YEATS2: variants seen among roughly 807,000 people sequenced by gnomAD.
YEATS2 encodes YEATS domain containing 2.
A neutral mutation model predicts 163.2 loss-of-function variants in YEATS2; 77 were observed. The observed-to-expected ratio is 0.47, with a 90% CI of 0.39 to 0.57. The LOEUF (loss-of-function observed/expected upper bound fraction) is 0.57, where lower values mean the gene tolerates loss of function less well. Ranked by LOEUF, YEATS2 falls within the 20% of genes least tolerant of loss-of-function variation. The pLI, the probability that YEATS2 is intolerant of heterozygous loss-of-function variation, is 0.00. For synonymous variants in YEATS2, 631 were observed against 645.1 expected (o/e 0.98, Z 0.33); for missense variants, 1,549 against 1,729.8 (o/e 0.90, Z 1.85).
intron 19 of YEATS2, among the ~76,000 whole-genome samples, chr3:183,780,201 A>AT (rs1249683197): frequency 2.0e-5 from 3 of 152,144 alleles, no homozygotes; most frequent in African/African-American, 4.8e-5. Flanking sequence ...TTCCAACTAC[A>AT]TATGTGGATA....
chr3:183,794,972 C>T (rs1475787465), intron 21 of YEATS2, among the ~76,000 whole-genome samples: 1 of 148,036 alleles, frequency 6.8e-6, no homozygotes, highest in Non-Finnish European at 1.5e-5. Flanking sequence ...GAGTTTGAGA[C>T]AAGCCTGGGC....
chr3:183,698,235 C>T (rs1395178231), intron 1 of YEATS2, among the ~76,000 whole-genome samples: 1 of 152,162 alleles, frequency 6.6e-6, no homozygotes, highest in Non-Finnish European at 1.5e-5. Context: ...TCCTCTTCAG[C>T]GGGGCGCTGC....
At chr3:183,742,703 T>C (rs1278504504) in intron 8 of YEATS2, among the ~76,000 whole-genome samples, 5 of 152,254 alleles carry the variant, frequency 3.3e-5, no homozygotes, top group African/African-American at 7.2e-5. Flanking sequence ...ATAAAGCAGC[T>C]ACAGGGTTTG....
At chr3:183,704,181 A>C (rs931145741) in intron 1 of YEATS2, among the ~76,000 whole-genome samples, 2 of 150,880 alleles carry the variant, frequency 1.3e-5, no homozygotes, top group African/African-American at 2.4e-5. Flanking sequence ...CTAAAGCTTC[A>C]ACAGTAGACT....
intron 1 of YEATS2, among the ~76,000 whole-genome samples, chr3:183,701,446 A>T (rs1714086449): frequency 6.6e-6 from 1 of 151,738 alleles, no homozygotes; most frequent in African/African-American, 2.4e-5. Flanking sequence ...GAGTGCAGTG[A>T]TGCAGCCGTA....
chr3:183,713,953 C>T (rs549084927), intron 1 of YEATS2, among the ~76,000 whole-genome samples: 1 of 151,286 alleles, frequency 6.6e-6, no homozygotes, highest in Non-Finnish European at 1.5e-5. Flanking sequence ...TGCAGGTGCC[C>T]ACCATTATGC....
chr3:183,731,611 T>C (rs924625212), intron 7 of YEATS2, among the ~76,000 whole-genome samples: 4 of 152,188 alleles, frequency 2.6e-5, no homozygotes, highest in African/African-American at 9.7e-5. Flanking sequence ...TGGGCAGAGG[T>C]GTGGCAAGTC....
At chr3:183,797,267 C>G (rs1226815818) in intron 21 of YEATS2, among the ~76,000 whole-genome samples, 2 of 102,392 alleles carry the variant, frequency 2.0e-5, no homozygotes, top group Non-Finnish European at 3.6e-5. Flanking sequence ...AGATCCAACT[C>G]TGAAAAAAAA....
At position 183,806,941 on chromosome 3, in the gene YEATS2, AAC is replaced by A; in HGVS notation, c.3861_3862del (p.Glu1287AspfsTer4). On this transcript the variant is annotated frameshift_variant, in exon 28 of 31. Transcript: ENST00000305135. LOFTEE classifies it high-confidence loss of function. ...GACCTGCAACAGTTCCAGAAAAGGGAACCCGAGAATGAGGAGGAGGTGGACAT... is the reference window on the plus strand; with the variant it reads ...GACCTGCAACAGTTCCAGAAAAGGGACCGAGAATGAGGAGGAGGTGGACAT... 6.2e-7 allele frequency: 1 copy of A among 1,614,156 alleles called. No homozygotes were observed. Among genetic ancestry groups the A allele is most frequent in the East Asian group, 2.2e-5 (1 of 44,884 alleles).
rs369209101 is a variant in YEATS2 at position 183,736,763 on chromosome 3, C to T, written c.858C>T (p.Pro286=). 27 of 1,613,718 alleles carry T rather than the reference C, an allele frequency of 1.7e-5. No individual in the cohort carries two copies. The highest frequency in any genetic ancestry group is 1.6e-4 in the Middle Eastern group (1 of 6,082). ...HLTRRGWGEF[P]VRVQVHFKDS... ...CCAGAAGAGGCTGGGGTGAGTTTCC[C>T]GTCAGAGTTCAAGTTCATTTTAAGG... The change falls in exon 8 of 31, where the codon CCC becomes CCT. Residue 286 remains proline, a synonymous_variant. Transcript: ENST00000305135.
chr3:183,809,759 C>T (rs1220478783), intron 30 of YEATS2, among the ~76,000 whole-genome samples: 1 of 152,216 alleles, frequency 6.6e-6, no homozygotes, highest in African/African-American at 2.4e-5. Context: ...TAGGCCACAT[C>T]TGCTTTTCTT....
At chr3:183,779,482 A>G (rs1022925728) in intron 19 of YEATS2, among the ~76,000 whole-genome samples, 47 of 152,186 alleles carry the variant, frequency 3.1e-4, no homozygotes, top group African/African-American at 1.1e-3. Flanking sequence ...CCTTGCAGGG[A>G]CTGGCTATCT....
chr3:183,755,053 T>C (rs748422193), intron 11 of YEATS2, among the ~76,000 whole-genome samples: 1 of 152,148 alleles, frequency 6.6e-6, no homozygotes, highest in Non-Finnish European at 1.5e-5. Context: ...GTGTTGTAAG[T>C]AGACAGCTAA....
chr3:183,746,657 CTT>C (rs560422111), intron 8 of YEATS2, among the ~76,000 whole-genome samples: 10 of 141,298 alleles, frequency 7.1e-5, no homozygotes, highest in Non-Finnish European at 7.7e-5. Flanking sequence ...CTAAAATTAC[CTT>C]TTTTTTTTTT....
intron 5 of YEATS2, among the ~76,000 whole-genome samples, chr3:183,723,050 G>A (rs1343360757): frequency 2.6e-5 from 4 of 152,204 alleles, no homozygotes; most frequent in African/African-American, 9.6e-5. Context: ...TTCTAGCTCG[G>A]CAATTCCGTG....
At chr3:183,718,165 G>A (rs1248237438) in intron 3 of YEATS2, among the ~76,000 whole-genome samples, 12 of 152,186 alleles carry the variant, frequency 7.9e-5, no homozygotes, top group East Asian at 3.9e-4. Flanking sequence ...AATATCTTAC[G>A]TGTCCCATAA....
intron 7 of YEATS2, among the ~76,000 whole-genome samples, chr3:183,730,220 A>G (rs777782902): frequency 2.0e-5 from 3 of 149,640 alleles, no homozygotes; most frequent in Admixed American, 6.7e-5. Context: ...GCACGCCACC[A>G]TGCCCAGCTA....
chr3:183,706,052 AT>A (rs1324422306), intron 1 of YEATS2, among the ~76,000 whole-genome samples: 1 of 151,786 alleles, frequency 6.6e-6, no homozygotes, highest in Non-Finnish European at 1.5e-5. Flanking sequence ...AAAAAAAAAA[AT>A]CCTTCATTTA....
chr3:183,779,183 A>G (rs1723311337), intron 19 of YEATS2, among the ~76,000 whole-genome samples: 1 of 152,222 alleles, frequency 6.6e-6, no homozygotes, highest in African/African-American at 2.4e-5. Flanking sequence ...TTCTGGGATT[A>G]CAGGCACAAG....
Sources: allele counts gnomAD v4.1 joint callset (sites outside exome capture counted in the v4.1 genomes callset), GRCh38; gene constraint gnomAD v4.1.1; transcripts MANE v1.5; gene names NCBI Gene and HGNC (gene_info 2026-07-23, HGNC 2026-07-21).